The following RMST variants were observed in gnomAD, a reference collection of about 807,000 sequenced individuals.
RMST encodes long intergenic non-protein coding RNA 54.
Position 97,484,971 on chromosome 12 carries a change from G to A in RMST, n.645-7490G>A, listed in dbSNP as rs1028009770. 3.9e-5 allele frequency among the ~76,000 whole-genome samples: 6 copies of A among 152,128 alleles called. No individual in the cohort carries two copies. The East Asian group carries it at 1.2e-3, about 29-fold the overall frequency. Reference sequence around the variant, plus strand: ...GGTCAGACACGTAGAAGACTTCCCAGCCTTGAACACTACCCACAAGGCATT... The same window carrying A: ...GGTCAGACACGTAGAAGACTTCCCAACCTTGAACACTACCCACAAGGCATT... On this transcript the variant is annotated intron_variant and non_coding_transcript_variant, in intron 5 of 13. Transcript: ENST00000640149.
intron 10 of RMST, among the ~76,000 whole-genome samples, chr12:97,504,753 C>G (rs371018616): frequency 6.2e-4 from 94 of 152,298 alleles, no homozygotes; most frequent in African/African-American, 1.9e-3. Flanking sequence ...TTTGTTTTCA[C>G]TATACCTTGG....
At chr12:97,551,817 T>C (rs965297681) in intron 11 of RMST, 3 of 152,230 alleles carry the variant, frequency 2.0e-5, no homozygotes, top group Non-Finnish European at 4.4e-5. Flanking sequence ...TAAGCCATGC[T>C]ATCTCCCCAC....
chr12:97,493,939 C>T (rs943467512), exon 8 of RMST: 3 of 152,182 alleles, frequency 2.0e-5, no homozygotes, highest in African/African-American at 7.2e-5. Context: ...GGGAAGTCAG[C>T]TGAAGACCAT....
chr12:97,468,517 T>C (rs1297425438), intron 5 of RMST, among the ~76,000 whole-genome samples: 1 of 152,026 alleles, frequency 6.6e-6, no homozygotes, highest in Non-Finnish European at 1.5e-5. Flanking sequence ...TTAAGCACAG[T>C]GTTCTTGTGA....
chr12:97,466,141 C>T (rs1873154642), intron 5 of RMST, among the ~76,000 whole-genome samples: 1 of 152,110 alleles, frequency 6.6e-6, no homozygotes, highest in Admixed American at 6.6e-5. Context: ...TCTAAAGGAG[C>T]CAATAAGCAT....
chr12:97,482,697 T>TATTA (rs377403808), intron 5 of RMST, among the ~76,000 whole-genome samples: 6 of 65,062 alleles, frequency 9.2e-5, no homozygotes, highest in Non-Finnish European at 1.5e-4. Flanking sequence ...ATTATTTATT[T>TATTA]AATAAATAAA....
chr12:97,476,501 A>G (rs546979134), intron 5 of RMST, among the ~76,000 whole-genome samples: 1 of 152,310 alleles, frequency 6.6e-6, no homozygotes, highest in South Asian at 2.1e-4. Context: ...ATGATGTTCC[A>G]GTGGACTTCA....
At chr12:97,539,329 A>G (rs1302748257) in intron 11 of RMST, among the ~76,000 whole-genome samples, 2 of 151,588 alleles carry the variant, frequency 1.3e-5, no homozygotes, top group African/African-American at 4.8e-5. Flanking sequence ...TACTCCATGG[A>G]CAGTGCAAGA....
At chr12:97,508,102 G>A (rs1008076303) in intron 10 of RMST, among the ~76,000 whole-genome samples, 7 of 152,154 alleles carry the variant, frequency 4.6e-5, no homozygotes, top group Admixed American at 4.6e-4. Context: ...CAGAGAGAGT[G>A]AATTAGTGGG....
intron 5 of RMST, among the ~76,000 whole-genome samples, chr12:97,473,278 T>G (rs1874148503): frequency 6.6e-6 from 1 of 152,132 alleles, no homozygotes; most frequent in Admixed American, 6.6e-5. Flanking sequence ...ATAAAAACTT[T>G]AAAAAATGTA....
At chr12:97,504,678 A>G (rs1477845073) in intron 10 of RMST, among the ~76,000 whole-genome samples, 1 of 152,210 alleles carries the variant, frequency 6.6e-6, no homozygotes, top group Non-Finnish European at 1.5e-5. Context: ...GTGAACATGA[A>G]GAAAAAAGGA....
chr12:97,468,064 A>G (rs903031172), intron 5 of RMST, among the ~76,000 whole-genome samples: 3 of 152,026 alleles, frequency 2.0e-5, no homozygotes, highest in African/African-American at 4.8e-5. Flanking sequence ...TTAGATAGCT[A>G]GTAAAAATAT....
chr12:97,558,662 G>GT (rs1346437345), intron 11 of RMST, among the ~76,000 whole-genome samples: 3 of 152,030 alleles, frequency 2.0e-5, no homozygotes, highest in African/African-American at 7.2e-5. Context: ...GAGCAGGCTT[G>GT]TTTTTGTGAT....
intron 5 of RMST, among the ~76,000 whole-genome samples, chr12:97,479,374 A>G (rs1874954369): frequency 6.6e-6 from 1 of 151,886 alleles, no homozygotes; most frequent in Non-Finnish European, 1.5e-5. Flanking sequence ...GCTATTCTAC[A>G]ACTCCTGGCC....
intron 5 of RMST, among the ~76,000 whole-genome samples, chr12:97,484,022 T>C (rs1367455303): frequency 6.6e-6 from 1 of 152,216 alleles, no homozygotes; most frequent in East Asian, 1.9e-4. Flanking sequence ...ATTCTGAAGA[T>C]ACTTGTATTA....
chr12:97,551,545 A>G (rs1015700256), intron 11 of RMST, among the ~76,000 whole-genome samples: 1 of 152,172 alleles, frequency 6.6e-6, no homozygotes, highest in Non-Finnish European at 1.5e-5. Context: ...TCTTCGCTGA[A>G]TAAGTGTATT....
chr12:97,546,462 A>T (rs1346621169), intron 11 of RMST, among the ~76,000 whole-genome samples: 2 of 152,020 alleles, frequency 1.3e-5, no homozygotes, highest in African/African-American at 2.4e-5. Context: ...CACACTTCTA[A>T]TCCCAGCTAC....
chr12:97,495,216 C>T (rs1158864130), intron 9 of RMST, among the ~76,000 whole-genome samples: 1 of 151,450 alleles, frequency 6.6e-6, no homozygotes, highest in Non-Finnish European at 1.5e-5. Flanking sequence ...ATTCTATAAC[C>T]CTGGACAAAA....
At chr12:97,538,150 C>G (rs1415975958) in intron 11 of RMST, among the ~76,000 whole-genome samples, 1 of 151,206 alleles carries the variant, frequency 6.6e-6, no homozygotes, top group Non-Finnish European at 1.5e-5. Flanking sequence ...TTTGCACCCC[C>G]CAAAAATAAT....
Sources: gnomAD v4.1 joint callset for allele counts (sites outside exome capture counted in the v4.1 genomes callset) on GRCh38, gnomAD v4.1.1 for gene constraint, MANE v1.5 for transcripts, NCBI Gene and HGNC (gene_info 2026-07-23, HGNC 2026-07-21) for gene names.